The following NRXN1 variants were observed in gnomAD, a reference collection of about 807,000 sequenced individuals.
NRXN1 encodes the protein neurexin 1.
In NRXN1, 39 loss-of-function variants were observed where a neutral mutation model predicts 150.9. The observed-to-expected ratio is 0.26, with a 90% CI of 0.20 to 0.34. NRXN1 has a LOEUF of 0.34. NRXN1 is among the 10% of genes least tolerant of loss of function. The probability of loss-of-function intolerance (pLI) is 1.00; values close to 1 mark genes in which losing one functional copy is unlikely to be tolerated. For synonymous variants in NRXN1, 924 were observed against 757.0 expected (o/e 1.22, Z -3.62); for missense variants, 1,815 against 1,949.9 (o/e 0.93, Z 1.30).
At chr2:50,249,824 G>T (rs1355828595) in intron 17 of NRXN1, among the ~76,000 whole-genome samples, 1 of 151,954 alleles carries the variant, frequency 6.6e-6, no homozygotes, top group African/African-American at 2.4e-5. Flanking sequence ...TTTTAGTAGA[G>T]ATGGGGTTTC....
At chr2:50,402,200 T>G (rs1028522497) in intron 17 of NRXN1, among the ~76,000 whole-genome samples, 1 of 152,104 alleles carries the variant, frequency 6.6e-6, no homozygotes, top group Non-Finnish European at 1.5e-5. Flanking sequence ...TACCTAGGGA[T>G]CAAAGTAACT....
intron 5 of NRXN1, among the ~76,000 whole-genome samples, chr2:50,801,524 T>C (rs2352077): frequency 0.63 from 95,958 of 151,864 alleles, 30,739 homozygotes; most frequent in Middle Eastern, 0.72. Flanking sequence ...ATGCGAGGAC[T>C]AAAGCATTCT....
chr2:50,928,651 A>G (rs1181783930), intron 2 of NRXN1, among the ~76,000 whole-genome samples: 1 of 152,026 alleles, frequency 6.6e-6, no homozygotes, highest in African/African-American at 2.4e-5. Context: ...CACAAATGCT[A>G]CTTTGCTTTT....
chr2:50,039,651 G>C (rs1335057787), intron 21 of NRXN1, among the ~76,000 whole-genome samples: 2 of 152,152 alleles, frequency 1.3e-5, no homozygotes, highest in Non-Finnish European at 1.5e-5. Flanking sequence ...CTAAAGAACA[G>C]AAGATACACA....
At chr2:50,650,968 T>TA (rs1172879687) in intron 5 of NRXN1, among the ~76,000 whole-genome samples, 1 of 152,072 alleles carries the variant, frequency 6.6e-6, no homozygotes, top group Non-Finnish European at 1.5e-5. Context: ...CTACACAATA[T>TA]AAACCTGTTT....
intron 17 of NRXN1, among the ~76,000 whole-genome samples, chr2:50,302,844 C>A (rs1715993): frequency 2.0e-5 from 3 of 151,828 alleles, no homozygotes; most frequent in Non-Finnish European, 4.4e-5. Context: ...ATAACAGTTC[C>A]GAATTTGTTG....
intron 2 of NRXN1, among the ~76,000 whole-genome samples, chr2:50,952,891 C>G (rs957608016): frequency 1.3e-5 from 2 of 152,182 alleles, no homozygotes; most frequent in Non-Finnish European, 2.9e-5. Flanking sequence ...TTTGACCCAT[C>G]AACCAGAGCT....
chr2:50,347,453 T>A lies in NRXN1; in HGVS notation c.3365-110483A>T. On this transcript the variant is annotated intron_variant, in intron 17 of 22. Coordinates refer to ENST00000401669, the MANE Select transcript of NRXN1 (RefSeq NM_001330078.2). This position sits in a 1 kb window ranked among gnomAD's most constrained non-coding sequence, Gnocchi z 4.9. ...GGCCACTTCGCCGGCCCAACCTCCT[T>A]TCAAGACAGAAGCAGACCCCATGGA... 1.8e-6 allele frequency: 2 copies of A among 1,131,156 alleles called. No individual in the cohort carries two copies. Among genetic ancestry groups the A allele is most frequent in the Non-Finnish European group, 2.2e-6 (2 of 912,132 alleles). 70.1% of individuals were successfully genotyped at this position (1,131,156 alleles called of 1,614,324 possible).
chr2:51,026,454 A>C, intron 2 of NRXN1: 2 of 1,601,992 alleles, frequency 1.2e-6, no homozygotes, highest in Non-Finnish European at 1.7e-6. Context: ...AACACACTGA[A>C]GACCGAATTT....
At chr2:50,050,529 T>C (rs549306011) in intron 21 of NRXN1, among the ~76,000 whole-genome samples, 17 of 152,138 alleles carry the variant, frequency 1.1e-4, no homozygotes, top group Non-Finnish European at 1.9e-4. Context: ...ATACACAATT[T>C]AGTAAGACAG....
chr2:50,966,103 GTTAT>G (rs1339167986), intron 2 of NRXN1, among the ~76,000 whole-genome samples: 1 of 151,452 alleles, frequency 6.6e-6, no homozygotes, highest in Non-Finnish European at 1.5e-5. Context: ...TTTTTAAAAT[GTTAT>G]TTAATTAACC....
At chr2:49,945,340 G>C (rs1000174658) in intron 21 of NRXN1, 1 of 150,576 alleles carries the variant, frequency 6.6e-6, no homozygotes, top group Admixed American at 6.6e-5. Flanking sequence ...GGCATTTGTA[G>C]TGCTAACTCC....
intron 5 of NRXN1, among the ~76,000 whole-genome samples, chr2:50,906,965 G>A (rs1683780207): frequency 6.6e-6 from 1 of 151,786 alleles, no homozygotes; most frequent in Admixed American, 6.6e-5. Flanking sequence ...ACCTTTTCCT[G>A]CCCTCCTCTC....
chr2:50,342,366 C>T (rs2077609860), intron 17 of NRXN1, among the ~76,000 whole-genome samples: 2 of 152,190 alleles, frequency 1.3e-5, no homozygotes, highest in South Asian at 4.1e-4. Flanking sequence ...AGGTGTGGAA[C>T]ACCAGTGTCT....
rs1410581210 is a variant in NRXN1 at position 50,986,634 on chromosome 2, G to A, written c.772+40868C>T. ...CCATTTCTCCTTCCACTCATATATC[G>A]ATTTTGCCCTTATGCAAACTACATA... is the stretch of plus-strand genomic sequence containing the variant. On this transcript the variant is annotated intron_variant, in intron 2 of 22. Transcript: ENST00000401669. 4.0e-5 allele frequency among the ~76,000 whole-genome samples: 6 copies of A among 151,188 alleles called. No homozygotes were observed. The South Asian group carries it at 6.3e-4, about 16-fold the overall frequency.
intron 5 of NRXN1, among the ~76,000 whole-genome samples, chr2:50,669,301 G>A (rs993587271): frequency 2.0e-5 from 3 of 151,914 alleles, no homozygotes; most frequent in African/African-American, 7.2e-5. Flanking sequence ...GGATTAGGGA[G>A]ACTGAGCTTT....
chr2:51,007,421 C>A (rs1403088734), intron 2 of NRXN1, among the ~76,000 whole-genome samples: 1 of 151,890 alleles, frequency 6.6e-6, no homozygotes, highest in African/African-American at 2.4e-5. Context: ...TATTTACATA[C>A]TTTCCTTATG....
intron 8 of NRXN1, among the ~76,000 whole-genome samples, chr2:50,567,396 C>T (rs1433526124): frequency 6.6e-6 from 1 of 151,922 alleles, no homozygotes; most frequent in Non-Finnish European, 1.5e-5. Context: ...TGATGAAGCC[C>T]AAAACAGCAG....
intron 5 of NRXN1, among the ~76,000 whole-genome samples, chr2:50,679,326 A>G (rs1690015644): frequency 6.6e-6 from 1 of 152,150 alleles, no homozygotes; most frequent in African/African-American, 2.4e-5. Flanking sequence ...GATGGGCACA[A>G]TCAAGCCAGC....
Sources: gnomAD v4.1 joint callset for allele counts (sites outside exome capture counted in the v4.1 genomes callset) on GRCh38, gnomAD v4.1.1 for gene constraint, Gnocchi (gnomAD v3.1) non-coding constraint, MANE v1.5 for transcripts, NCBI Gene and HGNC (gene_info 2026-07-23, HGNC 2026-07-21) for gene names.